MYO1H: variants seen among roughly 807,000 people sequenced by gnomAD.
The protein encoded by MYO1H is unconventional myosin-Ih.
In MYO1H, 118 loss-of-function variants were observed where a neutral mutation model predicts 149.3. The ratio of observed to expected loss-of-function variants is 0.79; its 90% CI spans 0.68 to 0.92. The LOEUF is 0.92. MYO1H is among the 40% of genes least tolerant of loss of function. The pLI is 0.00. For missense variants in MYO1H, 1,212 were observed against 1,280.7 expected (o/e 0.95, Z 0.82); for synonymous variants, 447 against 465.2 (o/e 0.96, Z 0.50).
In MYO1H at chr12:109,389,764, T is replaced by A. The variant is rs73403750; in HGVS notation, c.174+920T>A. Among the ~76,000 whole-genome samples, 1,193 of 152,334 alleles carry A rather than the reference T, an allele frequency of 7.8e-3. 21 individuals carry two copies. The highest frequency in any genetic ancestry group is 0.027 in the African/African-American group (1,136 of 41,574). ...AAAATTATTTAATTTTTTGAGATTT[T>A]ATTAGCTTTTTGCTAAGAGTAAATT... On this transcript the variant is annotated intron_variant, in intron 2 of 31. Transcript: ENST00000310903.
At chr12:109,349,883 C>T (rs1327321507) in intron 1 of MYO1H, among the ~76,000 whole-genome samples, 2 of 150,578 alleles carry the variant, frequency 1.3e-5, no homozygotes, top group Non-Finnish European at 3.0e-5. Context: ...ATGGCGTGAA[C>T]CCGGGAGGCA....
At chr12:109,440,817 G>C (rs375696763) in exon 25 of MYO1H, 4 of 1,560,234 alleles carry the variant, frequency 2.6e-6, no homozygotes, top group Non-Finnish European at 2.6e-6. Context: ...ACAGCTGAGC[G>C]GAAAGCAATG....
chr12:109,433,449 CAGAGACT>C (rs1366852740), intron 20 of MYO1H, among the ~76,000 whole-genome samples: 1 of 152,194 alleles, frequency 6.6e-6, no homozygotes, highest in African/African-American at 2.4e-5. Flanking sequence ...TATCCATGAG[CAGAGACT>C]TTCGTACACA....
At chr12:109,442,187 T>G (rs781659561) in intron 26 of MYO1H, 30 bp from the exon 27 acceptor site, 2 of 1,603,690 alleles carry the variant, frequency 1.2e-6, no homozygotes, top group Non-Finnish European at 8.5e-7. Flanking sequence ...ACTTTAGTGA[T>G]GATTCATGGC....
intron 17 of MYO1H, 28 bp from the exon 18 acceptor site, chr12:109,425,918 C>G (rs1592811583): frequency 5.7e-6 from 4 of 704,206 alleles, no homozygotes; most frequent in South Asian, 2.3e-5. Context: ...CTGGCTCGTT[C>G]TCTCTCTCTT....
intron 1 of MYO1H, among the ~76,000 whole-genome samples, chr12:109,386,231 G>A (rs1566022371): frequency 6.6e-6 from 1 of 152,142 alleles, no homozygotes; most frequent in Non-Finnish European, 1.5e-5. Flanking sequence ...TTGTACAGAT[G>A]GGCCACAGCC....
At chr12:109,439,572 G>A (rs1872023453) in intron 23 of MYO1H, 59 bp from the exon 24 acceptor site, 1 of 1,523,192 alleles carries the variant, frequency 6.6e-7, no homozygotes, top group African/African-American at 1.4e-5. Flanking sequence ...AGGGGGAAGA[G>A]AATGTAAATC....
Position 109,404,838 on chromosome 12 carries a change from A to G in MYO1H, c.849+758A>G, listed in dbSNP as rs182020288. Among the ~76,000 whole-genome samples, 1,009 of 143,084 alleles carry G rather than the reference A, an allele frequency of 7.1e-3. 11 individuals carry two copies. The highest frequency in any genetic ancestry group is 0.024 in the African/African-American group (968 of 39,666). The allele number at this position is 143,084 out of a possible 152,430, so 93.9% of individuals were successfully genotyped here. A position where few individuals can be genotyped will look rare whatever the true frequency, so the allele number is the denominator to read the frequency against. ...GAATTTATAAACAATTTGTTTTTAC[A>G]TCTTTTTGTCTTTTTTTTTTTTTTC... On this transcript the variant is annotated intron_variant, in intron 7 of 31. Transcript: ENST00000310903.
chr12:109,402,018 G>GCACGAGC (rs1870189534), intron 6 of MYO1H, among the ~76,000 whole-genome samples: 1 of 152,142 alleles, frequency 6.6e-6, no homozygotes, highest in African/African-American at 2.4e-5. Context: ...GAGTTTACAG[G>GCACGAGC]CACGAGCCAC....
intron 1 of MYO1H, among the ~76,000 whole-genome samples, chr12:109,387,097 T>G (rs1869368434): frequency 6.6e-6 from 1 of 151,202 alleles, no homozygotes; most frequent in African/African-American, 2.4e-5. Flanking sequence ...CTTTTTCTAT[T>G]TATATATTTT....
rs202060415 is a variant in MYO1H at position 109,443,138 on chromosome 12, G to GTA, written c.2689-372_2689-371dup. 5.6e-4 allele frequency among the ~76,000 whole-genome samples: 34 copies of GTA among 60,916 alleles called. 3 individuals carry two copies. The highest frequency in any genetic ancestry group is 7.1e-4 in the Non-Finnish European group (21 of 29,408). 40.0% of individuals were successfully genotyped at this position (60,916 alleles called of 152,430 possible). ...TGTATATGTGTACGTATATATGTGT[G>GTA]TATATGTGTACGTATGTGTGTGTAT... is the stretch of plus-strand genomic sequence containing the variant. On this transcript the variant is annotated intron_variant, in intron 27 of 31. Coordinates refer to ENST00000310903, the Ensembl canonical transcript of MYO1H.
intron 22 of MYO1H, 100 bp from the exon 23 acceptor site, chr12:109,438,436 C>T (rs1055376145): frequency 1.2e-5 from 10 of 848,190 alleles, no homozygotes; most frequent in African/African-American, 3.4e-5. Flanking sequence ...CTGCGGTGGG[C>T]GTCCAGATGT....
chr12:109,386,180 C>T (rs556529363), intron 1 of MYO1H, among the ~76,000 whole-genome samples: 6 of 152,280 alleles, frequency 3.9e-5, no homozygotes, highest in South Asian at 2.1e-4. Context: ...CATGCTCTTG[C>T]GTGTACCCGT....
intron 7 of MYO1H, 148 bp from the exon 8 acceptor site, chr12:109,405,774 G>A: frequency 1.6e-6 from 1 of 643,456 alleles, no homozygotes; most frequent in Non-Finnish European, 2.8e-6. Context: ...GGAAGCAGGA[G>A]GGCTTGGTTC....
At chr12:109,380,252 A>C (rs1869176195) in intron 1 of MYO1H, among the ~76,000 whole-genome samples, 1 of 152,158 alleles carries the variant, frequency 6.6e-6, no homozygotes, top group South Asian at 2.1e-4. Context: ...TGCAGAAGAA[A>C]GGGTAAGAAC....
At chr12:109,360,478 T>G (rs1868720447) in intron 1 of MYO1H, among the ~76,000 whole-genome samples, 1 of 152,180 alleles carries the variant, frequency 6.6e-6, no homozygotes, top group Non-Finnish European at 1.5e-5. Context: ...CTCTCTTCAC[T>G]AATAATATTG....
At chr12:109,364,312 A>T (rs1868820988) in intron 1 of MYO1H, among the ~76,000 whole-genome samples, 1 of 151,728 alleles carries the variant, frequency 6.6e-6, no homozygotes, top group South Asian at 2.1e-4. Flanking sequence ...TAATAATCAT[A>T]GTGTCCATAT....
intron 31 of MYO1H, 179 bp from the exon 32 acceptor site, chr12:109,446,980 G>A: frequency 1.5e-6 from 1 of 659,020 alleles, no homozygotes; most frequent in South Asian, 1.7e-5. Context: ...TGGCTGAAGA[G>A]GCTGACAGGC....
Position 109,368,661 on chromosome 12 carries a change from G to C in MYO1H, c.13-20022G>C, listed in dbSNP as rs1308239488. Among the ~76,000 whole-genome samples the C allele has an allele frequency of 3.5e-5, 4 of 114,350 alleles. No individual in the cohort carries two copies. The East Asian group carries it at 1.2e-3, about 34-fold the overall frequency. 75.0% of individuals were successfully genotyped at this position (114,350 alleles called of 152,430 possible). A position where few individuals can be genotyped will look rare whatever the true frequency, so the allele number is the denominator to read the frequency against. On this transcript the variant is annotated intron_variant, in intron 1 of 31. Coordinates refer to ENST00000310903, the Ensembl canonical transcript of MYO1H. ...ATCTTAAAAAAAAAAAAAAAAAAAAGGGTTCTTGCTGATAGGAAAAGATGT... is the reference window on the plus strand; with the variant it reads ...ATCTTAAAAAAAAAAAAAAAAAAAACGGTTCTTGCTGATAGGAAAAGATGT...
Sources: allele counts gnomAD v4.1 joint callset (sites outside exome capture counted in the v4.1 genomes callset), GRCh38; gene constraint gnomAD v4.1.1; transcripts MANE v1.5; gene names NCBI Gene and HGNC (gene_info 2026-07-23, HGNC 2026-07-21).